DNM3: variants seen among roughly 807,000 people sequenced by gnomAD.
DNM3 encodes the protein dynamin-3.
In DNM3, 47 loss-of-function variants were observed where a neutral mutation model predicts 101.6. The ratio of observed to expected loss-of-function variants is 0.46; its 90% confidence interval spans 0.37 to 0.59. The LOEUF (loss-of-function observed/expected upper bound fraction) is 0.59, where lower values mean the gene tolerates loss of function less well. Among genes scored for constraint, DNM3 ranks in the 20% least tolerant of loss-of-function variants. The pLI, the probability that DNM3 is intolerant of heterozygous loss-of-function variation, is 0.00. For missense variants in DNM3, 849 were observed against 1,085.7 expected (o/e 0.78, Z 3.06); for synonymous variants, 385 against 387.9 (o/e 0.99, Z 0.09).
At chr1:172,347,407 C>T (rs1193423862) in intron 17 of DNM3, among the ~76,000 whole-genome samples, 1 of 151,900 alleles carries the variant, frequency 6.6e-6, no homozygotes, top group Admixed American at 6.6e-5. Context: ...TTTGGAGTTA[C>T]TAGGTACAGA....
At chr1:172,025,360 C>T (rs987968888) in intron 4 of DNM3, among the ~76,000 whole-genome samples, 1 of 152,150 alleles carries the variant, frequency 6.6e-6, no homozygotes, top group Non-Finnish European at 1.5e-5. Context: ...GGGGAAGGGG[C>T]GGCTGTGGGT....
chr1:172,091,971 A>T (rs2053939889), intron 12 of DNM3, among the ~76,000 whole-genome samples: 1 of 152,152 alleles, frequency 6.6e-6, no homozygotes, highest in Admixed American at 6.6e-5. Flanking sequence ...GCATTTTCTG[A>T]TGGTCGGATA....
At chr1:172,319,535 G>GA (rs879441987) in intron 16 of DNM3, among the ~76,000 whole-genome samples, 2,169 of 152,064 alleles carry the variant, frequency 0.014, 49 homozygotes, top group African/African-American at 0.049. Context: ...AAATTTACAA[G>GA]AAAAAAACAA....
chr1:172,090,352 G>A (rs776025515), intron 12 of DNM3, among the ~76,000 whole-genome samples: 2 of 152,136 alleles, frequency 1.3e-5, no homozygotes, highest in Non-Finnish European at 2.9e-5. Flanking sequence ...GAGGAGATCC[G>A]AAGCCCTTAG....
intron 15 of DNM3, among the ~76,000 whole-genome samples, chr1:172,271,128 T>C (rs1308161623): frequency 1.3e-5 from 2 of 152,154 alleles, no homozygotes; most frequent in African/African-American, 4.8e-5. Flanking sequence ...CTTTTGTTTA[T>C]GTGGACTGTG....
intron 2 of DNM3, among the ~76,000 whole-genome samples, chr1:171,983,596 T>TCCATCTC (rs2045003637): frequency 6.6e-6 from 1 of 152,188 alleles, no homozygotes; most frequent in Admixed American, 6.5e-5. Context: ...GGCCTGGTAC[T>TCCATCTC]CTGACCTCTT....
At chr1:172,028,014 G>A (rs1352918218) in intron 4 of DNM3, among the ~76,000 whole-genome samples, 1 of 152,062 alleles carries the variant, frequency 6.6e-6, no homozygotes, top group Non-Finnish European at 1.5e-5. Flanking sequence ...AGGTCAACGA[G>A]ACAGAAAATT....
At chr1:172,045,771 G>A (rs2049745663) in intron 9 of DNM3, among the ~76,000 whole-genome samples, 1 of 152,172 alleles carries the variant, frequency 6.6e-6, no homozygotes, top group African/African-American at 2.4e-5. Flanking sequence ...TCATACGAAG[G>A]AGGTGGCCCC....
Position 172,047,651 on chromosome 1 carries a change from T to C in DNM3, c.1197-961T>C, listed in dbSNP as rs74975430. On this transcript the variant is annotated intron_variant, in intron 9 of 20. Coordinates refer to ENST00000627582, the MANE Select transcript of DNM3 (RefSeq NM_015569.5). The stretch of plus-strand genomic sequence containing the variant: ...GAGAAATTACCATTATAATGTAGTA[T>C]GATTACTACAGTTAGAAATAGAGGT... 2.9e-3 allele frequency among the ~76,000 whole-genome samples: 440 copies of C among 152,326 alleles called. 3 individuals are homozygous for C. Among genetic ancestry groups the C allele is most frequent in the African/African-American group, 0.01 (421 of 41,572 alleles).
chr1:172,317,904 T>C (rs368827136), intron 16 of DNM3, among the ~76,000 whole-genome samples: 1 of 152,232 alleles, frequency 6.6e-6, no homozygotes, highest in South Asian at 2.1e-4. Flanking sequence ...AGCATCATCC[T>C]GATATCAAAG....
chr1:171,912,127 CAG>C, intron 1 of DNM3, among the ~76,000 whole-genome samples: 1 of 152,204 alleles, frequency 6.6e-6, no homozygotes, highest in South Asian at 2.1e-4. Context: ...GGGTGGCTAA[CAG>C]AACTGAATGT....
chr1:172,227,693 A>AT (rs2061186021), intron 14 of DNM3, among the ~76,000 whole-genome samples: 1 of 151,974 alleles, frequency 6.6e-6, no homozygotes, highest in Non-Finnish European at 1.5e-5. Context: ...GATGTTGAAC[A>AT]TTTTTTCATG....
At chr1:172,177,633 G>A (rs1303217418) in intron 14 of DNM3, among the ~76,000 whole-genome samples, 1 of 151,928 alleles carries the variant, frequency 6.6e-6, no homozygotes, top group African/African-American at 2.4e-5. Context: ...ACAAAATTAC[G>A]GGATGAGAGT....
At chr1:172,375,610 A>G (rs567683847) in intron 17 of DNM3, among the ~76,000 whole-genome samples, 9 of 152,232 alleles carry the variant, frequency 5.9e-5, no homozygotes, top group Non-Finnish European at 1.2e-4. Context: ...GACAAAAACA[A>G]AACACCTGAA....
intron 17 of DNM3, among the ~76,000 whole-genome samples, chr1:172,352,620 C>T (rs2067249225): frequency 6.6e-6 from 1 of 152,172 alleles, no homozygotes; most frequent in Non-Finnish European, 1.5e-5. Flanking sequence ...TCTTTCAAGG[C>T]TATCTGGAGT....
intron 14 of DNM3, among the ~76,000 whole-genome samples, chr1:172,147,787 A>T (rs1391688688): frequency 1.3e-5 from 2 of 152,158 alleles, no homozygotes; most frequent in Non-Finnish European, 1.5e-5. Context: ...AATCATCATT[A>T]TCCATTCCAA....
chr1:172,036,989 A>G (rs1483124338), intron 6 of DNM3, among the ~76,000 whole-genome samples: 2 of 152,216 alleles, frequency 1.3e-5, no homozygotes, highest in Admixed American at 6.5e-5. Flanking sequence ...AAGGACATGA[A>G]CAGACACTTC....
At chr1:172,169,329 C>A (rs2058864334) in intron 14 of DNM3, among the ~76,000 whole-genome samples, 1 of 151,882 alleles carries the variant, frequency 6.6e-6, no homozygotes, top group South Asian at 2.1e-4. Context: ...TACCCCAAGT[C>A]CTGTCTTTTT....
intron 13 of DNM3, among the ~76,000 whole-genome samples, chr1:172,093,895 G>A (rs1381753303): frequency 6.6e-6 from 1 of 152,104 alleles, no homozygotes; most frequent in African/African-American, 2.4e-5. Context: ...TCTTAAGAGG[G>A]TTCATCCCTT....
Sources: gnomAD v4.1 joint callset for allele counts (sites outside exome capture counted in the v4.1 genomes callset) on GRCh38, gnomAD v4.1.1 for gene constraint, MANE v1.5 for transcripts, NCBI Gene and HGNC (gene_info 2026-07-23, HGNC 2026-07-21) for gene names.